C19orf47: variants seen among roughly 807,000 people sequenced by gnomAD.
The protein encoded by C19orf47 is uncharacterized protein C19orf47.
In C19orf47, 18 loss-of-function variants were observed where a neutral mutation model predicts 32.3. That is an observed-to-expected ratio of 0.56 (90% CI 0.39 to 0.83). The LOEUF (loss-of-function observed/expected upper bound fraction) is 0.83. C19orf47 is among the 40% of genes least tolerant of loss of function. C19orf47 has a pLI of 0.00. For synonymous variants in C19orf47, 202 were observed against 211.1 expected, an observed-to-expected ratio of 0.96 and a Z score of 0.37; for missense variants, 484 against 531.6, an observed-to-expected ratio of 0.91 and a Z score of 0.88.
chr19:40,325,355 T>C (rs974164242), intron 7 of C19orf47, among the ~76,000 whole-genome samples: 7 of 151,940 alleles, frequency 4.6e-5, no homozygotes, highest in Non-Finnish European at 7.4e-5. Flanking sequence ...AGGCTGAGTG[T>C]GGTGGCTCAT....
At chr19:40,327,007 C>CTTTTTT (rs763036518) in intron 6 of C19orf47, among the ~76,000 whole-genome samples, 1 of 122,792 alleles carries the variant, frequency 8.1e-6, no homozygotes, top group Non-Finnish European at 1.7e-5. Flanking sequence ...CTGATTTTAA[C>CTTTTTT]TTTTTTTTTT....
the C19orf47 span, among the ~76,000 whole-genome samples, chr19:40,309,693 A>T: frequency 6.6e-6 from 1 of 152,152 alleles, no homozygotes; most frequent in Admixed American, 6.6e-5. Context: ...TCTCAAAAAA[A>T]AAAAAAAGAA....
intron 1 of C19orf47, among the ~76,000 whole-genome samples, chr19:40,346,778 G>A (rs573781027): frequency 1.3e-5 from 2 of 151,974 alleles, no homozygotes; most frequent in African/African-American, 4.8e-5. Context: ...CGCCCGTCTC[G>A]GCCTCCCAAA....
At chr19:40,311,320 G>A in the C19orf47 span, among the ~76,000 whole-genome samples, 9 of 151,630 alleles carry the variant, frequency 5.9e-5, no homozygotes, top group Admixed American at 5.3e-4. Context: ...CACAGGTTGC[G>A]GTGAGCCAAA....
chr19:40,298,478 T>C, the C19orf47 span, among the ~76,000 whole-genome samples: 1 of 152,196 alleles, frequency 6.6e-6, no homozygotes, highest in East Asian at 1.9e-4. Context: ...CACAAGTTTA[T>C]TTACCTTTGG....
the C19orf47 span, among the ~76,000 whole-genome samples, chr19:40,301,722 G>A: frequency 6.6e-6 from 1 of 151,544 alleles, no homozygotes; most frequent in Non-Finnish European, 1.5e-5. Flanking sequence ...GCCCACGCCT[G>A]CAGTCCCAGC....
At position 40,324,014 on chromosome 19, in the gene C19orf47, C is replaced by CT; in HGVS notation, c.654dup (p.Gly219ArgfsTer3). 6.2e-7 allele frequency: 1 copy of CT among 1,614,254 alleles called. No homozygotes were observed. Among genetic ancestry groups the CT allele is most frequent in the Non-Finnish European group, 8.5e-7 (1 of 1,180,038 alleles). Reference sequence around the variant, plus strand: ...CCCCCATCCCCACTCACTTTACTCCCTGTCGTGGTGTCTGCCTTGGTCTCG... The same window carrying CT: ...CCCCCATCCCCACTCACTTTACTCCCTTGTCGTGGTGTCTGCCTTGGTCTCG... On this transcript the variant is annotated frameshift_variant, in exon 8 of 9. Transcript: ENST00000683109. LOFTEE classifies it high-confidence loss of function.
Position 40,322,256 on chromosome 19 carries a change from C to T in C19orf47, c.784G>A (p.Gly262Arg), listed in dbSNP as rs761590261. ...LQYAGVLKKL[G>R]RGPAKASPQP... The stretch of plus-strand genomic sequence containing the variant: ...GGACTGGCCTTGGCTGGGCCCCGTC[C>T]TAGCTTCTTCAGGACCCCGGCATAC... The change falls in exon 9 of 9, where the codon GGA (glycine) becomes AGA (arginine). Residue 262 changes from glycine (G) to arginine (R), a missense_variant. By Grantham distance (125) the Gly-to-Arg change is moderately radical. Coordinates refer to ENST00000683109, the MANE Select transcript of C19orf47 (RefSeq NM_001256441.2). 1 of 1,608,808 alleles carries T rather than the reference C, an allele frequency of 6.2e-7. No homozygotes were observed. Among genetic ancestry groups the T allele is most frequent in the South Asian group, 1.1e-5 (1 of 91,094 alleles).
chr19:40,303,759 G>A, the C19orf47 span, among the ~76,000 whole-genome samples: 1 of 137,138 alleles, frequency 7.3e-6, no homozygotes, highest in African/African-American at 2.8e-5. Context: ...AGCCGAGATC[G>A]CATCACTGCA....
At chr19:40,313,848 AT>A in the C19orf47 span, among the ~76,000 whole-genome samples, 1 of 151,768 alleles carries the variant, frequency 6.6e-6, no homozygotes, top group South Asian at 2.1e-4. Flanking sequence ...TGTCTCCATA[AT>A]CCCAGCTACT....
chr19:40,306,781 T>C, the C19orf47 span, among the ~76,000 whole-genome samples: 1 of 131,282 alleles, frequency 7.6e-6, no homozygotes, highest in Non-Finnish European at 1.5e-5. Flanking sequence ...CCTGTAAGAA[T>C]GTCATTAAAA....
chr19:40,300,980 G>A, the C19orf47 span, among the ~76,000 whole-genome samples: 7 of 151,964 alleles, frequency 4.6e-5, no homozygotes, highest in South Asian at 2.1e-4. Context: ...AGAGAATCCC[G>A]ATCTCTACTA....
Position 40,328,565 on chromosome 19 carries a change from G to A in C19orf47, c.302-15C>T, listed in dbSNP as rs2077883947. 6.3e-7 allele frequency: 1 copy of A among 1,597,426 alleles called. No homozygotes were observed. Among genetic ancestry groups the A allele is most frequent in the Non-Finnish European group, 8.5e-7 (1 of 1,172,916 alleles). ...TCGGGAGGCAGCTGTGGGGAGAAAA[G>A]GAGAGTCCGGTCGGGTGGGGTCCTG... On this transcript the variant is annotated splice_polypyrimidine_tract_variant and intron_variant, in intron 5 of 8. Transcript: ENST00000683109.
At chr19:40,302,699 C>A in the C19orf47 span, among the ~76,000 whole-genome samples, 2 of 152,116 alleles carry the variant, frequency 1.3e-5, no homozygotes, top group African/African-American at 4.8e-5. Context: ...GATTCTAGTT[C>A]ATTGTTGTGG....
At chr19:40,294,099 G>T in the C19orf47 span, among the ~76,000 whole-genome samples, 3 of 152,060 alleles carry the variant, frequency 2.0e-5, no homozygotes, top group African/African-American at 7.2e-5. Flanking sequence ...CAGCCTGGGC[G>T]ACAGAGCAAT....
At chr19:40,311,650 C>T in the C19orf47 span, among the ~76,000 whole-genome samples, 1 of 152,098 alleles carries the variant, frequency 6.6e-6, no homozygotes, top group Non-Finnish European at 1.5e-5. Context: ...GTGGCGGAGT[C>T]CCTCACATGA....
the C19orf47 span, among the ~76,000 whole-genome samples, chr19:40,308,465 CTTTT>C: frequency 1.7e-5 from 2 of 119,998 alleles, no homozygotes; most frequent in Admixed American, 8.8e-5. Context: ...AGAAAGTCAA[CTTTT>C]TTTTTTTTTT....
At chr19:40,342,155 G>T in intron 1 of C19orf47, 1 of 620,470 alleles carries the variant, frequency 1.6e-6, no homozygotes, top group Non-Finnish European at 2.0e-6. Context: ...TGGAAAAGGA[G>T]TGCAACAGAA....
At chr19:40,300,965 A>G in the C19orf47 span, among the ~76,000 whole-genome samples, 16 of 152,138 alleles carry the variant, frequency 1.1e-4, no homozygotes, top group Non-Finnish European at 1.6e-4. Flanking sequence ...CAGCCTGGCC[A>G]ACATAGAGAA....
Sources: allele counts gnomAD v4.1 joint callset (sites outside exome capture counted in the v4.1 genomes callset), GRCh38; gene constraint gnomAD v4.1.1; transcripts MANE v1.5; gene names NCBI Gene and HGNC (gene_info 2026-07-23, HGNC 2026-07-21).